Variants in NPIPB2 observed in about 807,000 individuals in gnomAD.
NPIPB2 encodes nuclear pore complex interacting protein family member B2, also known as nuclear pore complex-interacting protein family member B2.
NPIPB2 carries 27 observed loss-of-function variants against 30.8 expected under a neutral mutation model. The observed-to-expected ratio is 0.88, with a 90% CI of 0.65 to 1.21. The LOEUF (loss-of-function observed/expected upper bound fraction) is 1.21, where lower values mean the gene tolerates loss of function less well. NPIPB2 is among the 50% of genes most tolerant of loss of function. The pLI, the probability that NPIPB2 is intolerant of heterozygous loss-of-function variation, is 0.00. For synonymous variants in NPIPB2, 147 were observed against 162.0 expected (o/e 0.91, Z 0.70); for missense variants, 440 against 446.2 (o/e 0.99, Z 0.13).
intron 1 of NPIPB2, among the ~76,000 whole-genome samples, chr16:11,974,722 G>A (rs1012943384): frequency 3.9e-5 from 6 of 152,054 alleles, no homozygotes; most frequent in African/African-American, 9.7e-5. Context: ...AAACAAGTTG[G>A]GAAAATACTC....
At chr16:11,953,693 C>A (rs2055087126) in intron 1 of NPIPB2, among the ~76,000 whole-genome samples, 1 of 144,720 alleles carries the variant, frequency 6.9e-6, no homozygotes, top group Non-Finnish European at 1.5e-5. Context: ...GCTTTCAGAT[C>A]ATCCTTTTAT....
chr16:11,957,623 A>T (rs2055122330), intron 1 of NPIPB2, among the ~76,000 whole-genome samples: 1 of 152,148 alleles, frequency 6.6e-6, no homozygotes, highest in Non-Finnish European at 1.5e-5. Context: ...AATAAAGGAC[A>T]CTGCCCTTCA....
intron 1 of NPIPB2, among the ~76,000 whole-genome samples, chr16:11,961,210 C>T (rs2055150351): frequency 6.6e-6 from 1 of 152,058 alleles, no homozygotes; most frequent in South Asian, 2.1e-4. Flanking sequence ...CATGTTTGTC[C>T]TGTCTCCTTT....
chr16:11,947,652 A>G (rs4780406), intron 1 of NPIPB2, among the ~76,000 whole-genome samples: 2 of 151,882 alleles, frequency 1.3e-5, no homozygotes, highest in Non-Finnish European at 2.9e-5. Flanking sequence ...CCACATATAC[A>G]TATTTTAAAG....
chr16:11,952,564 TC>T (rs1395005593), intron 1 of NPIPB2, among the ~76,000 whole-genome samples: 2 of 78,334 alleles, frequency 2.6e-5, no homozygotes, highest in Non-Finnish European at 4.5e-5. Flanking sequence ...TCTTTCTTTC[TC>T]TTTTTTTTTT....
intron 1 of NPIPB2, among the ~76,000 whole-genome samples, chr16:11,960,672 T>C (rs1171360794): frequency 6.6e-6 from 1 of 151,654 alleles, no homozygotes; most frequent in Non-Finnish European, 1.5e-5. Flanking sequence ...GCATGGCTCC[T>C]ATTGGCTGCC....
intron 1 of NPIPB2, among the ~76,000 whole-genome samples, chr16:11,953,005 A>G (rs2055081355): frequency 1.3e-5 from 2 of 152,140 alleles, no homozygotes; most frequent in Admixed American, 1.3e-4. Context: ...GTGGATTCTC[A>G]AGGTCAAGAG....
At chr16:11,948,151 G>T (rs950214617) in intron 1 of NPIPB2, among the ~76,000 whole-genome samples, 22 of 151,628 alleles carry the variant, frequency 1.5e-4, no homozygotes, top group Non-Finnish European at 3.1e-4. Flanking sequence ...GTGACCAGCT[G>T]TCCTGGGACT....
intron 4 of NPIPB2, among the ~76,000 whole-genome samples, chr16:11,931,896 A>G (rs2054794333): frequency 6.6e-6 from 1 of 152,128 alleles, no homozygotes; most frequent in Non-Finnish European, 1.5e-5. Context: ...TTTGGAACCC[A>G]TTTCCCTGAG....
chr16:11,973,863 G>T (rs1330799882), intron 1 of NPIPB2, among the ~76,000 whole-genome samples: 1 of 152,214 alleles, frequency 6.6e-6, no homozygotes, highest in Non-Finnish European at 1.5e-5. Flanking sequence ...TGGGACTGGG[G>T]AGAAGAGGAA....
chr16:11,967,498 T>A, intron 1 of NPIPB2: 1 of 1,455,256 alleles, frequency 6.9e-7, no homozygotes, highest in East Asian at 2.3e-5. Flanking sequence ...AGTCCCGATG[T>A]GTACTGCTAA....
At chr16:11,955,069 C>A (rs1426219146) in intron 1 of NPIPB2, among the ~76,000 whole-genome samples, 3 of 151,944 alleles carry the variant, frequency 2.0e-5, no homozygotes, top group Admixed American at 6.6e-5. Flanking sequence ...TAATCCATTT[C>A]ATCTATAAAG....
At chr16:11,937,605 G>T in exon 2 of NPIPB2, 1 of 1,599,458 alleles carries the variant, frequency 6.3e-7, no homozygotes, top group Non-Finnish European at 8.5e-7. Flanking sequence ...ATAATGATAC[G>T]TAACCAAGGA....
At chr16:11,950,271 G>C (rs1426906680) in intron 1 of NPIPB2, among the ~76,000 whole-genome samples, 1 of 152,032 alleles carries the variant, frequency 6.6e-6, no homozygotes, top group East Asian at 1.9e-4. Context: ...CCTGACCTCA[G>C]GTGATCTGCC....
At chr16:11,953,173 T>A (rs1440765037) in intron 1 of NPIPB2, among the ~76,000 whole-genome samples, 4 of 151,926 alleles carry the variant, frequency 2.6e-5, no homozygotes, top group African/African-American at 7.3e-5. Context: ...CAAGGTGGAG[T>A]CTCACTTTGT....
intron 1 of NPIPB2, among the ~76,000 whole-genome samples, chr16:11,952,998 G>C (rs2055081272): frequency 6.6e-6 from 1 of 152,154 alleles, no homozygotes; most frequent in South Asian, 2.1e-4. Context: ...ATTCCCTGTG[G>C]ATTCTCAAGG....
chr16:11,974,991 C>G (rs1383107826), intron 1 of NPIPB2, among the ~76,000 whole-genome samples: 1 of 151,392 alleles, frequency 6.6e-6, no homozygotes, highest in Non-Finnish European at 1.5e-5. Context: ...AGGAGAATCA[C>G]TTGAACCCGG....
upstream of NPIPB2, among the ~76,000 whole-genome samples, chr16:11,943,865 G>T (rs2054971406): frequency 6.6e-6 from 1 of 151,304 alleles, no homozygotes; most frequent in Admixed American, 6.6e-5. Flanking sequence ...GGCCGTGGTG[G>T]CGGGCGCCTG....
chr16:11,964,603 C>T (rs1318090781), intron 1 of NPIPB2, among the ~76,000 whole-genome samples: 2 of 152,082 alleles, frequency 1.3e-5, no homozygotes, highest in African/African-American at 4.8e-5. Context: ...TTAGTAGAGA[C>T]GGGGTTTCAC....
Sources: gnomAD v4.1 joint callset for allele counts (sites outside exome capture counted in the v4.1 genomes callset) on GRCh38, gnomAD v4.1.1 for gene constraint, MANE v1.5 for transcripts, NCBI Gene and HGNC (gene_info 2026-07-23, HGNC 2026-07-21) for gene names.